TFEB: variants seen among roughly 807,000 people sequenced by gnomAD.
The protein encoded by TFEB is transcription factor EB, also known as T-cell transcription factor EB.
A neutral mutation model predicts 48.0 loss-of-function variants in TFEB; 12 were observed. That is an observed-to-expected ratio of 0.25 (90% CI 0.16 to 0.40). The LOEUF is 0.40. TFEB is among the 10% of genes least tolerant of loss of function. The pLI is 1.00. For missense variants in TFEB, 509 were observed against 640.3 expected (o/e 0.79, Z 2.21); for synonymous variants, 244 against 261.4 (o/e 0.93, Z 0.64).
chr6:41,713,299 G>C (rs1487923071), intron 1 of TFEB, among the ~76,000 whole-genome samples: 1 of 152,170 alleles, frequency 6.6e-6, no homozygotes, highest in Non-Finnish European at 1.5e-5. Context: ...TGGCGAGGCG[G>C]GTGGTGGGCA....
At chr6:41,696,701 AT>A (rs1478150360) in intron 1 of TFEB, among the ~76,000 whole-genome samples, 19 of 152,192 alleles carry the variant, frequency 1.2e-4, no homozygotes, top group African/African-American at 4.3e-4. Context: ...CTCAAAAAAA[AT>A]AAATAAATAA....
rs771448522 is a variant in TFEB at position 41,686,130 on chromosome 6, C to T, written c.911G>A (p.Arg304His). The T allele has an allele frequency of 2.4e-5, 38 of 1,614,210 alleles. No individual in the cohort carries two copies. The highest frequency in any genetic ancestry group is 6.7e-5 in the East Asian group (3 of 44,892). The change falls in exon 8 of 9, where the codon CGC (arginine) becomes CAC (histidine). Residue 304 changes from arginine to histidine, a missense_variant. Arg to His is a conservative substitution (Grantham distance 29). Transcript: ENST00000373033. ...GAGCTGCTTGTTGGTCATCTCCAGGCGGCGAGAGTGGTTCTCCAGCTCCCT... is the reference window on the plus strand; with the variant it reads ...GAGCTGCTTGTTGGTCATCTCCAGGTGGCGAGAGTGGTTCTCCAGCTCCCT... The part of the protein sequence containing the change: ...KSRELENHSR[R>H]LEMTNKQLWL...
rs1221236876 is a variant in TFEB, at chr6:41,714,143, G to A, written c.-23+21207C>T. Among the ~76,000 whole-genome samples the A allele has an allele frequency of 9.4e-5, 5 of 53,138 alleles. No individual in the cohort carries two copies. The East Asian group carries it at 3.1e-3, about 33-fold the overall frequency. The allele number at this position is 53,138 out of a possible 152,430, so 34.9% of individuals were successfully genotyped here. On this transcript the variant is annotated intron_variant, in intron 1 of 8. Coordinates refer to ENST00000373033, the MANE Select transcript of TFEB (RefSeq NM_001271944.2). ...TGTGTGTGCGTGTGCATGTGTGCGT[G>A]TGTGTGCATGTGCATGCGTGTGCAT...
intron 1 of TFEB, among the ~76,000 whole-genome samples, chr6:41,722,470 AG>A (rs1771022315): frequency 6.6e-6 from 1 of 152,176 alleles, no homozygotes; most frequent in Non-Finnish European, 1.5e-5. Context: ...GAAAAGGGGC[AG>A]GGGTGTGGGT....
At chr6:41,715,199 A>G (rs988116013) in intron 1 of TFEB, among the ~76,000 whole-genome samples, 4 of 152,132 alleles carry the variant, frequency 2.6e-5, no homozygotes, top group Non-Finnish European at 4.4e-5. Context: ...TGGCCTCTCC[A>G]TGTTGCGGAA....
chr6:41,693,409 G>A (rs977245141), intron 1 of TFEB, among the ~76,000 whole-genome samples: 6 of 152,212 alleles, frequency 3.9e-5, no homozygotes, highest in East Asian at 3.8e-4. Flanking sequence ...AGAAACAGAA[G>A]CACAGGAGAT....
chr6:41,697,066 T>C (rs927052211), intron 1 of TFEB, among the ~76,000 whole-genome samples: 1 of 152,198 alleles, frequency 6.6e-6, no homozygotes, highest in Non-Finnish European at 1.5e-5. Flanking sequence ...TTACAACTTA[T>C]AATTTTCTGT....
rs1002030290 is a variant in TFEB at position 41,685,089 on chromosome 6, G to A, written c.952-11C>T. ...CTGCATCTCCAGCTCCTGCAGGGGA[G>A]CAGACAGAAGGCTGGGGAACACACC... On this transcript the variant is annotated splice_polypyrimidine_tract_variant and intron_variant, in intron 8 of 8. Coordinates refer to ENST00000373033, the MANE Select transcript of TFEB (RefSeq NM_001271944.2). 21 of 1,431,940 alleles carry A rather than the reference G, an allele frequency of 1.5e-5. No homozygotes were observed. Among genetic ancestry groups the A allele is most frequent in the Non-Finnish European group, 1.9e-5 (21 of 1,089,286 alleles). The allele number at this position is 1,431,940 out of a possible 1,614,324, so 88.7% of individuals were successfully genotyped here. A position where few individuals can be genotyped will look rare whatever the true frequency, so the allele number is the denominator to read the frequency against.
intron 1 of TFEB, among the ~76,000 whole-genome samples, chr6:41,704,448 G>A (rs1248951461): frequency 1.3e-5 from 2 of 152,244 alleles, no homozygotes; most frequent in South Asian, 4.1e-4. Context: ...AATATGTGAT[G>A]TGCCTAGCAC....
At chr6:41,714,505 C>T (rs552693897) in intron 1 of TFEB, among the ~76,000 whole-genome samples, 7 of 152,242 alleles carry the variant, frequency 4.6e-5, no homozygotes, top group East Asian at 1.9e-4. Context: ...AAAAGGGAGG[C>T]GAGGGAAAAT....
chr6:41,726,831 AAAAG>A (rs1304602288), intron 1 of TFEB, among the ~76,000 whole-genome samples: 1 of 152,246 alleles, frequency 6.6e-6, no homozygotes, highest in African/African-American at 2.4e-5. Context: ...TAAAAGAAAG[AAAAG>A]AATGAGATAT....
chr6:41,733,283 AC>A, intron 1 of TFEB: 1 of 160,458 alleles, frequency 6.2e-6, no homozygotes, highest in Non-Finnish European at 1.3e-5. Flanking sequence ...ACTGTGAGTC[AC>A]CAGGCCATTA....
chr6:41,723,066 G>T lies in TFEB; in HGVS notation c.-23+12284C>A, dbSNP rs1163210350. On this transcript the variant is annotated intron_variant, in intron 1 of 8. Transcript: ENST00000373033. The surrounding 1 kb of genome is among the most constrained non-coding windows in gnomAD (Gnocchi z 6.0). ...TGTAAATGGGTATTCACTGTGGCCTGGCCAGTGACATGCTAAGCCCATCCT... is the reference window on the plus strand; with the variant it reads ...TGTAAATGGGTATTCACTGTGGCCTTGCCAGTGACATGCTAAGCCCATCCT... Among the ~76,000 whole-genome samples, 2 of 152,122 alleles carry T rather than the reference G, an allele frequency of 1.3e-5. No individual in the cohort carries two copies. Among genetic ancestry groups the T allele is most frequent in the African/African-American group, 4.8e-5 (2 of 41,426 alleles).
At position 41,723,514 on chromosome 6, in the gene TFEB, G is replaced by C; in HGVS notation, c.-23+11836C>G. ...GCCCCTGGAATGCTCAGCTCCTCCAGGGGCCGGAGCCCAGGGCCGCACCCC... is the reference window on the plus strand; with the variant it reads ...GCCCCTGGAATGCTCAGCTCCTCCACGGGCCGGAGCCCAGGGCCGCACCCC... On this transcript the variant is annotated intron_variant, in intron 1 of 8. Transcript: ENST00000373033. The surrounding 1 kb of genome is among the most constrained non-coding windows in gnomAD (Gnocchi z 6.0). 1.6e-6 allele frequency: 2 copies of C among 1,288,848 alleles called. No individual in the cohort carries two copies. The highest frequency in any genetic ancestry group is 2.0e-6 in the Non-Finnish European group (2 of 988,586). 79.8% of individuals were successfully genotyped at this position (1,288,848 alleles called of 1,614,324 possible). A position where few individuals can be genotyped will look rare whatever the true frequency, so the allele number is the denominator to read the frequency against.
At chr6:41,694,418 C>G (rs1769474056) in intron 1 of TFEB, among the ~76,000 whole-genome samples, 1 of 152,158 alleles carries the variant, frequency 6.6e-6, no homozygotes, top group Admixed American at 6.5e-5. Flanking sequence ...AACCCCACCG[C>G]TGGAGCTGTC....
At chr6:41,726,506 C>T (rs558935996) in intron 1 of TFEB, among the ~76,000 whole-genome samples, 7 of 151,924 alleles carry the variant, frequency 4.6e-5, no homozygotes, top group African/African-American at 1.7e-4. Flanking sequence ...TGCATTGATA[C>T]GATCTTGGCT....
intron 4 of TFEB, among the ~76,000 whole-genome samples, chr6:41,689,110 G>A (rs1769164971): frequency 6.6e-6 from 1 of 152,190 alleles, no homozygotes; most frequent in South Asian, 2.1e-4. Flanking sequence ...GAAAACTGGG[G>A]TTTAGTATGC....
chr6:41,734,417 G>T lies in TFEB; in HGVS notation c.-23+933C>A. ...TGCGTGAAGCCGGAACCCCGCGCGG[G>T]GAGGGGGCCGAGCTGGCATCTGCCC... On this transcript the variant is annotated intron_variant, in intron 1 of 8. Coordinates refer to ENST00000373033, the MANE Select transcript of TFEB (RefSeq NM_001271944.2). This position sits in a 1 kb window ranked among gnomAD's most constrained non-coding sequence, Gnocchi z 4.0. The T allele has an allele frequency of 1.0e-6, 1 of 982,396 alleles. No individual in the cohort carries two copies. The highest frequency in any genetic ancestry group is 1.2e-6 in the Non-Finnish European group (1 of 827,348). 60.9% of individuals were successfully genotyped at this position (982,396 alleles called of 1,614,324 possible).
chr6:41,708,770 A>G (rs932202414), intron 1 of TFEB, among the ~76,000 whole-genome samples: 2 of 152,230 alleles, frequency 1.3e-5, no homozygotes, highest in African/African-American at 4.8e-5. Flanking sequence ...GGCCAATAAA[A>G]GGGTCAGAGT....
Sources: allele counts gnomAD v4.1 joint callset (sites outside exome capture counted in the v4.1 genomes callset), GRCh38; gene constraint gnomAD v4.1.1; non-coding constraint Gnocchi (gnomAD v3.1); transcripts MANE v1.5; gene names NCBI Gene and HGNC (gene_info 2026-07-23, HGNC 2026-07-21).